Variants in NALF2 observed in about 807,000 individuals in gnomAD.
The protein encoded by NALF2 is bB57D9.1 (TED protein).
A neutral mutation model predicts 24.8 loss-of-function variants in NALF2; 1 was observed. The ratio of observed to expected loss-of-function variants is 0.04; its 90% CI spans 0.01 to 0.19. NALF2 has a LOEUF of 0.19. Ranked by LOEUF, NALF2 falls within the 10% of genes least tolerant of loss-of-function variation. The probability of loss-of-function intolerance (pLI) is 1.00; values close to 1 mark genes in which losing one functional copy is unlikely to be tolerated. For synonymous variants in NALF2, 254 were observed against 189.8 expected (o/e 1.34, Z -2.78); for missense variants, 458 against 409.6 (o/e 1.12, Z -1.02).
Position 69,505,170 on chromosome X carries a change from A to T in NALF2, c.-113A>T. 2 of 751,061 alleles carry T rather than the reference A, an allele frequency of 2.7e-6. No individual in the cohort carries two copies. The highest frequency in any genetic ancestry group is 3.6e-6 in the Non-Finnish European group (2 of 554,347). 61.9% of individuals were successfully genotyped at this position (751,061 alleles called of 1,213,427 possible). On this transcript the variant is annotated 5_prime_UTR_variant, in exon 1 of 3. Coordinates refer to ENST00000252338, the MANE Select transcript of NALF2 (RefSeq NM_015686.3). ...GGCCTGCCTCACCATGCAGCCCCCGAGGTAGAGCCTGGACGGCGCCGAGGA... is the reference window on the plus strand; with the variant it reads ...GGCCTGCCTCACCATGCAGCCCCCGTGGTAGAGCCTGGACGGCGCCGAGGA...
chrX:69,522,577 C>T (rs1930748403), intron 1 of NALF2, among the ~76,000 whole-genome samples: 1 of 112,256 alleles, frequency 8.9e-6, no homozygotes, highest in Non-Finnish European at 1.9e-5. Flanking sequence ...TTTTTACAGC[C>T]ACTTAAGTAG....
chrX:69,508,452 C>T (rs1240868075), intron 1 of NALF2, among the ~76,000 whole-genome samples: 3 of 111,122 alleles, frequency 2.7e-5, no homozygotes, highest in Non-Finnish European at 5.7e-5. Flanking sequence ...GCCCTCCCTC[C>T]TCTCCTTTGT....
rs1383336353 is a variant in NALF2 at position 69,505,156 on chromosome X, C to T, written c.-127C>T. 1.6e-5 allele frequency: 10 copies of T among 632,468 alleles called. No homozygotes were observed. The highest frequency in any genetic ancestry group is 2.4e-5 in the African/African-American group (1 of 41,128). The allele number at this position is 632,468 out of a possible 1,213,427, so 52.1% of individuals were successfully genotyped here. A position where few individuals can be genotyped will look rare whatever the true frequency, so the allele number is the denominator to read the frequency against. ...GCATCGCGCCGGCCGGCCTGCCTCACCATGCAGCCCCCGAGGTAGAGCCTG... is the reference window on the plus strand; with the variant it reads ...GCATCGCGCCGGCCGGCCTGCCTCATCATGCAGCCCCCGAGGTAGAGCCTG... On this transcript the variant is annotated 5_prime_UTR_variant, in exon 1 of 3. Transcript: ENST00000252338.
chrX:69,522,477 C>T (rs1930746977), intron 1 of NALF2, among the ~76,000 whole-genome samples: 1 of 112,008 alleles, frequency 8.9e-6, no homozygotes, highest in Admixed American at 9.4e-5. Context: ...TTCTCACCCT[C>T]CTCTCTGGCC....
rs1396054484 is a variant in NALF2 at position 69,505,807 on chromosome X, C to T, written c.525C>T (p.Ala175=). Residue 175 remains alanine (A), a synonymous_variant, in exon 1 of 3, where the codon GCC becomes GCT. Transcript: ENST00000252338. ...PLRPPDSLSR[A]PAEFPSAKKN... ...GGCCCCCTGACTCCCTTTCCCGTGC[C>T]CCGGCCGAGTTCCCCTCCGCCAAAA... is the stretch of plus-strand genomic sequence containing the variant. 3 of 1,208,841 alleles carry T rather than the reference C, an allele frequency of 2.5e-6. No individual in the cohort carries two copies. Among genetic ancestry groups the T allele is most frequent in the African/African-American group, 3.5e-5 (2 of 57,030 alleles).
rs745694479 is a variant in NALF2 at position 69,505,578 on chromosome X, T to TGCC, written c.309_311dup (p.Pro104dup). On this transcript the variant is annotated inframe_insertion, in exon 1 of 3. Transcript: ENST00000252338. ...GTGCCTCCTCGCGCGGTGCTGCCGC[T>TGCC]GCCGCCGCCGCCGCCCGGCGAGCCC... 49 of 1,010,065 alleles carry TGCC rather than the reference T, an allele frequency of 4.9e-5. No homozygotes were observed. Among genetic ancestry groups the TGCC allele is most frequent in the African/African-American group, 8.3e-5 (4 of 47,947 alleles). 83.2% of individuals were successfully genotyped at this position (1,010,065 alleles called of 1,213,427 possible).
chrX:69,523,652 G>A (rs1455182464), intron 1 of NALF2, among the ~76,000 whole-genome samples: 1 of 112,180 alleles, frequency 8.9e-6, no homozygotes, highest in African/African-American at 3.2e-5. Context: ...GCAGTGGCCC[G>A]ACTGAGGTGG....
chrX:69,518,163 C>A (rs1001080190), intron 1 of NALF2, among the ~76,000 whole-genome samples: 4 of 111,312 alleles, frequency 3.6e-5, no homozygotes, highest in African/African-American at 1.3e-4. Context: ...CTCTGTTGTC[C>A]TGATAAATTT....
chrX:69,522,885 A>G (rs1189790194), intron 1 of NALF2, among the ~76,000 whole-genome samples: 1 of 112,434 alleles, frequency 8.9e-6, no homozygotes, highest in Non-Finnish European at 1.9e-5. Context: ...CCTTCTAATC[A>G]TGGCTTATAG....
rs78221539 is a variant in NALF2, at chrX:69,518,845, T to G, written c.862-10148T>G. Among the ~76,000 whole-genome samples the G allele has an allele frequency of 0.026, 2,895 of 112,271 alleles. 136 individuals carry two copies. The East Asian group carries it at 0.32, about 12-fold the overall frequency. Reference sequence around the variant, plus strand: ...TGATATTTACCTCCACATTTCTAAATGCCATGTCAATATTCTATTTCCCAA... The same window carrying G: ...TGATATTTACCTCCACATTTCTAAAGGCCATGTCAATATTCTATTTCCCAA... On this transcript the variant is annotated intron_variant, in intron 1 of 2. Coordinates refer to ENST00000252338, the MANE Select transcript of NALF2 (RefSeq NM_015686.3).
intron 1 of NALF2, among the ~76,000 whole-genome samples, chrX:69,511,153 C>A (rs749610188): frequency 9.1e-6 from 1 of 109,774 alleles, no homozygotes; most frequent in Non-Finnish European, 1.9e-5. Flanking sequence ...TCTCCACCCC[C>A]TTCCACCTCA....
chrX:69,505,429 C>T lies in NALF2; in HGVS notation c.147C>T (p.Ser49=). Residue 49 remains serine (S), a synonymous_variant, in exon 1 of 3, where the codon TCC becomes TCT. Transcript: ENST00000252338. The part of the protein sequence containing the change: ...RAQRWRLSLA[S]LLFFTVLLAD... ...AGCGATGGCGACTGTCCCTGGCGTC[C>T]CTGCTCTTCTTCACCGTGCTGCTCG... 1.7e-6 allele frequency: 2 copies of T among 1,150,619 alleles called. No individual in the cohort carries two copies. The highest frequency in any genetic ancestry group is 1.2e-6 in the Non-Finnish European group (1 of 866,847). 94.8% of individuals were successfully genotyped at this position (1,150,619 alleles called of 1,213,427 possible).
At chrX:69,508,289 C>T (rs1366041296) in intron 1 of NALF2, among the ~76,000 whole-genome samples, 6 of 111,582 alleles carry the variant, frequency 5.4e-5, no homozygotes. Flanking sequence ...CACCACTACT[C>T]CCATTTTACA....
Position 69,504,870 on chromosome X carries a change from G to A in NALF2, c.-413G>A, listed in dbSNP as rs1476527446. ...GCGCAGAGCTGCGCCGAACCGAGAC[G>A]GCCGGTTTGGAGTGCGAGCCGGGCG... On this transcript the variant is annotated 5_prime_UTR_variant, in exon 1 of 3. Coordinates refer to ENST00000252338, the MANE Select transcript of NALF2 (RefSeq NM_015686.3). Among the ~76,000 whole-genome samples, 1 of 107,897 alleles carries A rather than the reference G, an allele frequency of 9.3e-6. No homozygotes were observed. The highest frequency in any genetic ancestry group is 2.9e-4 in the East Asian group (1 of 3,412). 93.7% of individuals were successfully genotyped at this position (107,897 alleles called of 115,157 possible). A position where few individuals can be genotyped will look rare whatever the true frequency, so the allele number is the denominator to read the frequency against.
chrX:69,511,910 A>G (rs1339676516), intron 1 of NALF2, among the ~76,000 whole-genome samples: 4 of 111,962 alleles, frequency 3.6e-5, no homozygotes, highest in African/African-American at 9.8e-5. Flanking sequence ...ACTTTTTTAC[A>G]TGTGGGTAGG....
chrX:69,526,524 C>G (rs191945433), intron 1 of NALF2, among the ~76,000 whole-genome samples: 121 of 112,030 alleles, frequency 1.1e-3, no homozygotes, highest in African/African-American at 3.8e-3. Context: ...TATATTGTGC[C>G]GAGTATACAA....
intron 1 of NALF2, among the ~76,000 whole-genome samples, chrX:69,520,571 A>G (rs1298415876): frequency 9.0e-6 from 1 of 111,591 alleles, no homozygotes; most frequent in Non-Finnish European, 1.9e-5. Context: ...CCTCCTTCTG[A>G]GCTGACTGCT....
At chrX:69,506,819 T>A (rs1930495784) in intron 1 of NALF2, among the ~76,000 whole-genome samples, 1 of 112,591 alleles carries the variant, frequency 8.9e-6, no homozygotes, top group South Asian at 3.7e-4. Context: ...CACTGAAGGT[T>A]AGTGCATTCT....
At chrX:69,524,521 C>T (rs1930778110) in intron 1 of NALF2, among the ~76,000 whole-genome samples, 1 of 111,662 alleles carries the variant, frequency 9.0e-6, no homozygotes, top group Non-Finnish European at 1.9e-5. Context: ...GACATTTCTT[C>T]CCTTTCCCTG....
Sources: allele counts gnomAD v4.1 joint callset (sites outside exome capture counted in the v4.1 genomes callset), GRCh38; gene constraint gnomAD v4.1.1; transcripts MANE v1.5; gene names NCBI Gene and HGNC (gene_info 2026-07-23, HGNC 2026-07-21).